MYO16: variants seen among roughly 807,000 people sequenced by gnomAD.
MYO16 encodes the protein unconventional myosin-XVI.
A neutral mutation model predicts 205.3 loss-of-function variants in MYO16; 94 were observed. That is an observed-to-expected ratio of 0.46 (90% CI 0.39 to 0.54). The LOEUF is 0.54. MYO16 is among the 20% of genes least tolerant of loss of function. The pLI is 0.00. For missense variants in MYO16, 2,315 were observed against 2,387.5 expected (o/e 0.97, Z 0.63); for synonymous variants, 988 against 954.0 (o/e 1.04, Z -0.66).
chr13:108,581,583 A>G, the MYO16 span, among the ~76,000 whole-genome samples: 1 of 151,898 alleles, frequency 6.6e-6, no homozygotes, highest in African/African-American at 2.4e-5. Context: ...GCCCTAGGCA[A>G]TGTTACAAAG....
At chr13:108,635,689 G>C (rs1324649036) in intron 1 of MYO16, among the ~76,000 whole-genome samples, 1 of 151,900 alleles carries the variant, frequency 6.6e-6, no homozygotes, top group Non-Finnish European at 1.5e-5. Context: ...TAGTAGAGAT[G>C]GGTTTTCACC....
chr13:108,693,130 C>A (rs553623273), intron 2 of MYO16, among the ~76,000 whole-genome samples: 1 of 152,194 alleles, frequency 6.6e-6, no homozygotes, highest in African/African-American at 2.4e-5. Context: ...TACAGATAGT[C>A]TTATAAATTA....
chr13:109,141,452 G>A lies in MYO16; in HGVS notation c.5164+76G>A. On this transcript the variant is annotated intron_variant, in intron 32 of 34. Coordinates refer to ENST00000457511, the MANE Select transcript of MYO16 (RefSeq NM_001198950.3). The surrounding 1 kb of genome is among the most constrained non-coding windows in gnomAD (Gnocchi z 4.1). Reference sequence around the variant, plus strand: ...CGTGCACCTGTGTACATCCGTGTCTGCGCAGATGTGAAATAGTAAAGTTTC... The same window carrying A: ...CGTGCACCTGTGTACATCCGTGTCTACGCAGATGTGAAATAGTAAAGTTTC... 1 of 998,512 alleles carries A rather than the reference G, an allele frequency of 1.0e-6. No individual in the cohort carries two copies. The highest frequency in any genetic ancestry group is 1.4e-6 in the Non-Finnish European group (1 of 731,074). 61.9% of individuals were successfully genotyped at this position (998,512 alleles called of 1,614,324 possible).
chr13:109,178,917 G>A (rs975010814), intron 33 of MYO16, among the ~76,000 whole-genome samples: 8 of 152,248 alleles, frequency 5.3e-5, no homozygotes, highest in South Asian at 2.1e-4. Context: ...TAGTAACTTC[G>A]CGTTGTTGAG....
intron 20 of MYO16, among the ~76,000 whole-genome samples, chr13:108,977,945 T>G (rs536149377): frequency 8.7e-4 from 132 of 152,222 alleles, no homozygotes; most frequent in African/African-American, 3.1e-3. Context: ...TTTAGGCTAT[T>G]GATTTTTTTC....
chr13:108,638,723 A>T (rs1456825687), intron 1 of MYO16, among the ~76,000 whole-genome samples: 1 of 152,246 alleles, frequency 6.6e-6, no homozygotes, highest in Non-Finnish European at 1.5e-5. Context: ...ATGTATAAAT[A>T]GAATTTTTTT....
chr13:109,022,758 A>C (rs531377758), intron 23 of MYO16, among the ~76,000 whole-genome samples: 1 of 112,582 alleles, frequency 8.9e-6, no homozygotes, highest in African/African-American at 3.1e-5. Flanking sequence ...ATATAAACAC[A>C]TGTATATATT....
intron 22 of MYO16, among the ~76,000 whole-genome samples, chr13:109,015,459 G>A (rs1337004648): frequency 6.6e-6 from 1 of 152,110 alleles, no homozygotes; most frequent in Non-Finnish European, 1.5e-5. Context: ...TTTGGTATCA[G>A]GATGATGCTG....
intron 2 of MYO16, among the ~76,000 whole-genome samples, chr13:108,710,935 A>G (rs999659158): frequency 6.6e-6 from 1 of 152,256 alleles, no homozygotes; most frequent in Non-Finnish European, 1.5e-5. Flanking sequence ...ATACTAGAGT[A>G]AAAGTGCTGT....
At chr13:108,645,428 G>A (rs1262704859) in intron 1 of MYO16, among the ~76,000 whole-genome samples, 3 of 152,198 alleles carry the variant, frequency 2.0e-5, no homozygotes, top group East Asian at 3.9e-4. Flanking sequence ...TGGTATGTAC[G>A]CTGTCTCCTG....
chr13:108,750,550 G>T (rs967368866), intron 4 of MYO16, among the ~76,000 whole-genome samples: 2 of 147,486 alleles, frequency 1.4e-5, no homozygotes, highest in African/African-American at 5.0e-5. Context: ...GGGCTGATCA[G>T]TTGAGGTCAG....
intron 27 of MYO16, among the ~76,000 whole-genome samples, chr13:109,079,879 C>CCTT (rs1555329950): frequency 7.2e-6 from 1 of 138,430 alleles, no homozygotes; most frequent in Admixed American, 7.3e-5. Context: ...TTCTTTATTT[C>CCTT]TTTTTTTTTT....
intron 34 of MYO16, among the ~76,000 whole-genome samples, chr13:109,199,192 GTATATATATATATATATATA>G (rs4000581): frequency 0.098 from 7,412 of 75,576 alleles, 653 homozygotes; most frequent in African/African-American, 0.18. Context: ...AATAAAAAAG[GTATATATATATATATATATA>G]TATATATATA....
At chr13:108,945,514 A>G (rs1882903824) in intron 16 of MYO16, among the ~76,000 whole-genome samples, 1 of 152,222 alleles carries the variant, frequency 6.6e-6, no homozygotes, top group South Asian at 2.1e-4. Flanking sequence ...AATCCTATGC[A>G]ATAGAACATT....
chr13:108,955,521 T>C (rs910925811), intron 16 of MYO16, among the ~76,000 whole-genome samples: 8 of 152,146 alleles, frequency 5.3e-5, no homozygotes, highest in Admixed American at 1.3e-4. Context: ...ATTTCCTGGT[T>C]TCTGTGGTCT....
At chr13:108,509,233 C>T in the MYO16 span, among the ~76,000 whole-genome samples, 1 of 148,834 alleles carries the variant, frequency 6.7e-6, no homozygotes, top group Admixed American at 6.6e-5. Context: ...ATTGGAATCC[C>T]AGATAAATAT....
chr13:108,593,443 T>A (rs1399013404), upstream of MYO16, among the ~76,000 whole-genome samples: 1 of 152,164 alleles, frequency 6.6e-6, no homozygotes, highest in African/African-American at 2.4e-5. Flanking sequence ...AAGACCGCAG[T>A]GTTTCCTTCA....
chr13:108,869,305 T>A (rs956504682), intron 12 of MYO16, among the ~76,000 whole-genome samples: 1 of 152,212 alleles, frequency 6.6e-6, no homozygotes, highest in East Asian at 1.9e-4. Context: ...TATCATCCCG[T>A]GTGCTCTTCT....
chr13:108,673,018 G>A (rs900199935), intron 2 of MYO16, among the ~76,000 whole-genome samples: 3 of 152,222 alleles, frequency 2.0e-5, no homozygotes, highest in Non-Finnish European at 2.9e-5. Flanking sequence ...AATAACATAT[G>A]TAGTAGGTAC....
Sources: gnomAD v4.1 joint callset for allele counts (sites outside exome capture counted in the v4.1 genomes callset) on GRCh38, gnomAD v4.1.1 for gene constraint, Gnocchi (gnomAD v3.1) non-coding constraint, MANE v1.5 for transcripts, NCBI Gene and HGNC (gene_info 2026-07-23, HGNC 2026-07-21) for gene names.